TAFA1: variants seen among roughly 807,000 people sequenced by gnomAD.
TAFA1 encodes the protein chemokine-like protein TAFA-1.
TAFA1 carries 4 observed loss-of-function variants against 18.5 expected under a neutral mutation model. The ratio of observed to expected loss-of-function variants is 0.22; its 90% CI spans 0.11 to 0.49. The LOEUF is 0.49. TAFA1 is among the 20% of genes least tolerant of loss of function. The probability of loss-of-function intolerance (pLI) is 0.98; values close to 1 mark genes in which losing one functional copy is unlikely to be tolerated. For synonymous variants in TAFA1, 56 were observed against 55.2 expected (o/e 1.01, Z -0.06); for missense variants, 147 against 169.0 (o/e 0.87, Z 0.72).
At chr3:68,400,394 C>T (rs1056789672) in intron 2 of TAFA1, among the ~76,000 whole-genome samples, 4 of 152,218 alleles carry the variant, frequency 2.6e-5, no homozygotes, top group Admixed American at 6.5e-5. Context: ...GCCAATGACA[C>T]TCAGAGTAAT....
chr3:68,353,122 A>T (rs2069299210), intron 2 of TAFA1, among the ~76,000 whole-genome samples: 1 of 151,962 alleles, frequency 6.6e-6, no homozygotes, highest in Admixed American at 6.6e-5. Context: ...CACTTCACAG[A>T]TTTGTTGCTC....
At chr3:68,351,219 C>T (rs2069259453) in intron 2 of TAFA1, among the ~76,000 whole-genome samples, 1 of 152,102 alleles carries the variant, frequency 6.6e-6, no homozygotes. Context: ...CAATGGTAGC[C>T]AAAGTTACTT....
chr3:67,995,934 GTATT>G, the TAFA1 span, among the ~76,000 whole-genome samples: 10 of 152,156 alleles, frequency 6.6e-5, no homozygotes, highest in Non-Finnish European at 1.3e-4. Flanking sequence ...AAGTGACTGT[GTATT>G]CATTCATTCG....
intron 3 of TAFA1, among the ~76,000 whole-genome samples, chr3:68,536,567 G>A (rs2073281739): frequency 6.6e-6 from 1 of 152,186 alleles, no homozygotes; most frequent in South Asian, 2.1e-4. Flanking sequence ...AAATGCCCAG[G>A]TGGATTTGGG....
chr3:68,496,978 T>TAG (rs147931074), intron 3 of TAFA1, among the ~76,000 whole-genome samples: 3,127 of 151,934 alleles, frequency 0.021, 121 homozygotes, highest in African/African-American at 0.071. Flanking sequence ...CAGCTTTTAG[T>TAG]AGAGAGAGAG....
intron 2 of TAFA1, among the ~76,000 whole-genome samples, chr3:68,291,081 T>G (rs887794783): frequency 2.0e-5 from 3 of 152,172 alleles, no homozygotes; most frequent in African/African-American, 7.2e-5. Context: ...GAACAGGATC[T>G]GACCCATAGA....
chr3:68,522,665 A>G (rs1257420276), intron 3 of TAFA1, among the ~76,000 whole-genome samples: 2 of 152,200 alleles, frequency 1.3e-5, no homozygotes, highest in African/African-American at 4.8e-5. Flanking sequence ...CCTGGCCAAC[A>G]TGGTGAAACC....
chr3:68,136,206 C>T (rs1386132457), intron 2 of TAFA1, among the ~76,000 whole-genome samples: 1 of 152,122 alleles, frequency 6.6e-6, no homozygotes, highest in African/African-American at 2.4e-5. Flanking sequence ...TTCACACTGG[C>T]AGAGGTCAGG....
chr3:68,389,328 C>A (rs982747518), intron 2 of TAFA1, among the ~76,000 whole-genome samples: 1 of 152,116 alleles, frequency 6.6e-6, no homozygotes, highest in Non-Finnish European at 1.5e-5. Context: ...AACCTGGCCT[C>A]TTTGTGACTA....
chr3:68,305,164 C>G (rs953580284), intron 2 of TAFA1, among the ~76,000 whole-genome samples: 1 of 151,492 alleles, frequency 6.6e-6, no homozygotes, highest in Non-Finnish European at 1.5e-5. Context: ...CTCATTATTC[C>G]TTGTCTTTCA....
chr3:67,998,966 G>A, the TAFA1 span, among the ~76,000 whole-genome samples: 1 of 152,110 alleles, frequency 6.6e-6, no homozygotes, highest in South Asian at 2.1e-4. Context: ...ATCCTGGAAG[G>A]TTACTATCAG....
chr3:68,143,360 C>T (rs2065694067), intron 2 of TAFA1, among the ~76,000 whole-genome samples: 1 of 152,118 alleles, frequency 6.6e-6, no homozygotes, highest in African/African-American at 2.4e-5. Flanking sequence ...GATTCTGAAT[C>T]ATAAGAAATT....
intron 3 of TAFA1, among the ~76,000 whole-genome samples, chr3:68,458,725 T>A (rs952948691): frequency 6.6e-6 from 1 of 152,168 alleles, no homozygotes; most frequent in African/African-American, 2.4e-5. Context: ...AAGGTCACTT[T>A]GAACTGCTGG....
At chr3:68,135,531 G>A (rs1440394163) in intron 2 of TAFA1, among the ~76,000 whole-genome samples, 2 of 152,160 alleles carry the variant, frequency 1.3e-5, no homozygotes, top group African/African-American at 4.8e-5. Context: ...GAATTAACTT[G>A]GCAAGTTGCA....
chr3:68,092,955 A>T (rs1306978144), intron 2 of TAFA1, among the ~76,000 whole-genome samples: 3 of 152,174 alleles, frequency 2.0e-5, no homozygotes, highest in African/African-American at 4.8e-5. Flanking sequence ...GTATTTTATT[A>T]CCTGCTAGTT....
the TAFA1 span, among the ~76,000 whole-genome samples, chr3:67,999,234 G>T: frequency 6.9e-6 from 1 of 144,018 alleles, no homozygotes; most frequent in African/African-American, 2.7e-5. Context: ...AAGTTCTCTT[G>T]AATAGTGCTC....
At chr3:68,029,961 G>A (rs1162002243) in intron 2 of TAFA1, among the ~76,000 whole-genome samples, 3 of 152,156 alleles carry the variant, frequency 2.0e-5, no homozygotes, top group Admixed American at 2.0e-4. Context: ...TGGGTAAGAA[G>A]CCTGCTTAGT....
chr3:68,357,542 C>T (rs2069388620), intron 2 of TAFA1, among the ~76,000 whole-genome samples: 1 of 151,922 alleles, frequency 6.6e-6, no homozygotes, highest in Non-Finnish European at 1.5e-5. Flanking sequence ...TCCACCCCTT[C>T]TATTGTGAAG....
In TAFA1 at chr3:68,401,952, T is replaced by G. The variant is rs190138938; in HGVS notation, c.119-15328T>G. 1.9e-3 allele frequency among the ~76,000 whole-genome samples: 282 copies of G among 152,260 alleles called. 1 individual carries two copies. The highest frequency in any genetic ancestry group is 3.1e-3 in the Non-Finnish European group (208 of 68,010). On this transcript the variant is annotated intron_variant, in intron 2 of 4. Transcript: ENST00000478136. ...TACAGAGTAGAAATAACTAATAACA[T>G]TAATAACTGCTACAGCTAGCAATAG...
Sources: allele counts gnomAD v4.1 joint callset (sites outside exome capture counted in the v4.1 genomes callset), GRCh38; gene constraint gnomAD v4.1.1; transcripts MANE v1.5; gene names NCBI Gene and HGNC (gene_info 2026-07-23, HGNC 2026-07-21).